MMP16: variants seen among roughly 807,000 people sequenced by gnomAD.
The protein encoded by MMP16 is matrix metallopeptidase 16, also known as matrix metalloproteinase-16.
A neutral mutation model predicts 67.8 loss-of-function variants in MMP16; 12 were observed. That is an observed-to-expected ratio of 0.18 (90% confidence interval 0.11 to 0.29). MMP16 has a LOEUF of 0.29. Among genes scored for constraint, MMP16 ranks in the 10% least tolerant of loss-of-function variants. MMP16 has a pLI of 1.00. For missense variants in MMP16, 475 were observed against 765.7 expected, an observed-to-expected ratio of 0.62 and a Z score of 4.48; for synonymous variants, 249 against 255.9, an observed-to-expected ratio of 0.97 and a Z score of 0.26.
intron 3 of MMP16, among the ~76,000 whole-genome samples, chr8:88,180,748 T>A (rs1390842914): frequency 6.6e-6 from 1 of 151,968 alleles, no homozygotes; most frequent in Non-Finnish European, 1.5e-5. Context: ...AAAGAAAAAC[T>A]ATGGATCAGT....
At chr8:88,123,348 A>G (rs1807872078) in intron 4 of MMP16, among the ~76,000 whole-genome samples, 1 of 152,002 alleles carries the variant, frequency 6.6e-6, no homozygotes, top group African/African-American at 2.4e-5. Flanking sequence ...CTTGGTCTGA[A>G]GGAACGTCTG....
chr8:88,081,602 A>G (rs941190363), intron 6 of MMP16, among the ~76,000 whole-genome samples: 1 of 152,146 alleles, frequency 6.6e-6, no homozygotes, highest in African/African-American at 2.4e-5. Flanking sequence ...AATTAAAAGA[A>G]AAGATTGATG....
At chr8:88,293,086 A>G (rs1020974387) in intron 1 of MMP16, among the ~76,000 whole-genome samples, 11 of 152,338 alleles carry the variant, frequency 7.2e-5, no homozygotes, top group Admixed American at 1.3e-4. Flanking sequence ...CTTTAAGAGT[A>G]AATGACACAC....
intron 4 of MMP16, among the ~76,000 whole-genome samples, chr8:88,128,930 T>C (rs1050571484): frequency 1.3e-5 from 2 of 151,820 alleles, no homozygotes; most frequent in Admixed American, 1.3e-4. Flanking sequence ...TGGAGAATGA[T>C]TGGGTTTAAA....
chr8:88,142,866 G>A (rs1278325690), intron 4 of MMP16, among the ~76,000 whole-genome samples: 1 of 152,106 alleles, frequency 6.6e-6, no homozygotes, highest in Admixed American at 6.6e-5. Context: ...GTTAAATACA[G>A]AAGAATTAAT....
intron 6 of MMP16, among the ~76,000 whole-genome samples, chr8:88,109,288 T>C (rs1438585847): frequency 6.6e-6 from 1 of 151,346 alleles, no homozygotes. Context: ...TTTTAATTTT[T>C]TCTGTTGACT....
At chr8:88,073,359 C>T (rs185804870) in intron 7 of MMP16, among the ~76,000 whole-genome samples, 4 of 152,276 alleles carry the variant, frequency 2.6e-5, no homozygotes, top group Non-Finnish European at 5.9e-5. Context: ...TTATTGAGGG[C>T]TTATACATGC....
chr8:88,312,686 G>A (rs1245709472), intron 1 of MMP16, among the ~76,000 whole-genome samples: 1 of 152,040 alleles, frequency 6.6e-6, no homozygotes, highest in Non-Finnish European at 1.5e-5. Flanking sequence ...GTGTCCATTT[G>A]AGCCAGGCAC....
chr8:88,113,419 A>C (rs994027944), intron 6 of MMP16, among the ~76,000 whole-genome samples: 2 of 151,772 alleles, frequency 1.3e-5, no homozygotes, highest in African/African-American at 4.8e-5. Flanking sequence ...AATTGTGTAG[A>C]GTTTGTAATA....
At chr8:88,062,126 T>C (rs1396147073) in intron 7 of MMP16, among the ~76,000 whole-genome samples, 1 of 152,104 alleles carries the variant, frequency 6.6e-6, no homozygotes, top group South Asian at 2.1e-4. Flanking sequence ...TGAGTGTTTA[T>C]TGAGAAAATA....
At chr8:88,247,905 T>C (rs1013714945) in intron 1 of MMP16, among the ~76,000 whole-genome samples, 2 of 151,966 alleles carry the variant, frequency 1.3e-5, no homozygotes, top group African/African-American at 2.4e-5. Flanking sequence ...GCCTCTGAGG[T>C]TGTCAAACGT....
chr8:88,249,244 G>A lies in MMP16; in HGVS notation c.133-51938C>T, dbSNP rs563361919. Among the ~76,000 whole-genome samples the A allele has an allele frequency of 2.6e-5, 4 of 152,056 alleles. No homozygotes were observed. In the South Asian group the frequency reaches 8.3e-4, roughly 32 times the overall value. On this transcript the variant is annotated intron_variant, in intron 1 of 9. Transcript: ENST00000286614. ...AAGAATTATATCTGATGGAAACAGA[G>A]GGAAGTTTAAGAGAAAACACAAAAT...
At chr8:88,099,976 T>A (rs1288217265) in intron 6 of MMP16, among the ~76,000 whole-genome samples, 2 of 151,882 alleles carry the variant, frequency 1.3e-5, no homozygotes, top group African/African-American at 4.8e-5. Context: ...ATTCTCCTCA[T>A]ACAGAATATC....
chr8:88,206,754 G>C (rs1809433864), intron 1 of MMP16, among the ~76,000 whole-genome samples: 1 of 152,118 alleles, frequency 6.6e-6, no homozygotes, highest in African/African-American at 2.4e-5. Context: ...TATGCTGTAG[G>C]AACTTAACTC....
Position 88,040,868 on chromosome 8 carries a change from C to CT in MMP16, c.*592dup, listed in dbSNP as rs1350108567. The CT allele has an allele frequency of 2.6e-5, 4 of 152,584 alleles. No individual in the cohort carries two copies. The highest frequency in any genetic ancestry group is 4.4e-5 in the Non-Finnish European group (3 of 68,050). 9.5% of individuals were successfully genotyped at this position (152,584 alleles called of 1,614,324 possible). A position where few individuals can be genotyped will look rare whatever the true frequency, so the allele number is the denominator to read the frequency against. ...TGCATGTGTATTCCAAATCTCCCAC[C>CT]TGACAAAATGGTGCGTAGGAGACTA... On this transcript the variant is annotated 3_prime_UTR_variant, in exon 10 of 10. Transcript: ENST00000286614.
intron 7 of MMP16, among the ~76,000 whole-genome samples, chr8:88,062,130 G>T (rs556783083): frequency 1.3e-5 from 2 of 151,956 alleles, no homozygotes; most frequent in South Asian, 4.1e-4. Flanking sequence ...TGTTTATTGA[G>T]AAAATACAAT....
At chr8:88,215,182 T>C (rs970862243) in intron 1 of MMP16, among the ~76,000 whole-genome samples, 3 of 151,778 alleles carry the variant, frequency 2.0e-5, no homozygotes, top group African/African-American at 7.3e-5. Flanking sequence ...ACAAAAAAAT[T>C]AGCTGGGCGT....
At chr8:88,055,487 C>G (rs928240711) in intron 8 of MMP16, among the ~76,000 whole-genome samples, 2 of 152,194 alleles carry the variant, frequency 1.3e-5, no homozygotes, top group Non-Finnish European at 2.9e-5. Context: ...GGATTACAGG[C>G]ATGAGCCAAC....
At chr8:88,188,838 A>G (rs1809121136) in intron 2 of MMP16, among the ~76,000 whole-genome samples, 1 of 152,118 alleles carries the variant, frequency 6.6e-6, no homozygotes, top group Non-Finnish European at 1.5e-5. Flanking sequence ...TATTTTTAGT[A>G]GAGACAGGGT....
Sources: gnomAD v4.1 joint callset for allele counts (sites outside exome capture counted in the v4.1 genomes callset) on GRCh38, gnomAD v4.1.1 for gene constraint, MANE v1.5 for transcripts, NCBI Gene and HGNC (gene_info 2026-07-23, HGNC 2026-07-21) for gene names.